GRM8: variants seen among roughly 807,000 people sequenced by gnomAD.
GRM8 encodes glutamate metabotropic receptor 8.
A neutral mutation model predicts 87.2 loss-of-function variants in GRM8; 47 were observed. The observed-to-expected ratio is 0.54, with a 90% CI of 0.43 to 0.69. The LOEUF (loss-of-function observed/expected upper bound fraction) is 0.69. Among genes scored for constraint, GRM8 ranks in the 30% least tolerant of loss-of-function variants. The pLI, the probability that GRM8 is intolerant of heterozygous loss-of-function variation, is 0.00. For synonymous variants in GRM8, 396 were observed against 404.5 expected (o/e 0.98, Z 0.25); for missense variants, 1,019 against 1,139.2 (o/e 0.89, Z 1.52).
intron 3 of GRM8, among the ~76,000 whole-genome samples, chr7:127,088,957 C>G (rs1336029205): frequency 6.6e-6 from 1 of 152,208 alleles, no homozygotes; most frequent in Admixed American, 6.5e-5. Flanking sequence ...TCTGCGGACA[C>G]AATTGGAAGC....
At chr7:126,460,534 C>T (rs552245496) in intron 9 of GRM8, among the ~76,000 whole-genome samples, 2 of 151,646 alleles carry the variant, frequency 1.3e-5, no homozygotes, top group Middle Eastern at 3.4e-3. Context: ...AACTCTAGAC[C>T]ACAGACAAAA....
intron 3 of GRM8, among the ~76,000 whole-genome samples, chr7:126,944,315 C>T (rs1586550747): frequency 7.9e-6 from 1 of 126,102 alleles, no homozygotes; most frequent in Admixed American, 8.1e-5. Context: ...TGAGGTGGAC[C>T]TGGGCTGCAT....
intron 3 of GRM8, among the ~76,000 whole-genome samples, chr7:126,994,847 C>A (rs934975555): frequency 2.0e-5 from 3 of 152,088 alleles, no homozygotes; most frequent in African/African-American, 4.8e-5. Context: ...ATGACAAAAT[C>A]TGTGGCTTCC....
intron 9 of GRM8, among the ~76,000 whole-genome samples, chr7:126,471,851 T>A (rs901771237): frequency 2.4e-4 from 36 of 152,278 alleles, no homozygotes; most frequent in African/African-American, 7.2e-4. Flanking sequence ...TTTGTTTGTA[T>A]CCTCTTTTAT....
intron 3 of GRM8, among the ~76,000 whole-genome samples, chr7:127,049,906 AAAG>A (rs1032641691): frequency 6.6e-6 from 1 of 152,132 alleles, no homozygotes; most frequent in African/African-American, 2.4e-5. Flanking sequence ...GCCTTAGGAG[AAAG>A]AAGAAGTGGG....
chr7:126,977,035 T>C (rs1811064628), intron 3 of GRM8, among the ~76,000 whole-genome samples: 1 of 152,184 alleles, frequency 6.6e-6, no homozygotes, highest in South Asian at 2.1e-4. Flanking sequence ...ACTGACTTAT[T>C]AGCATACACC....
chr7:126,452,883 T>G (rs1350947689), intron 9 of GRM8, among the ~76,000 whole-genome samples: 1 of 151,748 alleles, frequency 6.6e-6, no homozygotes, highest in Admixed American at 6.6e-5. Flanking sequence ...AAGGATTTAG[T>G]GAGACAACAT....
chr7:127,115,684 T>G (rs1469807171), intron 2 of GRM8, among the ~76,000 whole-genome samples: 1 of 152,226 alleles, frequency 6.6e-6, no homozygotes, highest in Non-Finnish European at 1.5e-5. Context: ...TAATTACATT[T>G]TACAATAAGA....
chr7:126,441,334 C>A (rs901438540), intron 10 of GRM8, among the ~76,000 whole-genome samples: 1 of 151,994 alleles, frequency 6.6e-6, no homozygotes, highest in Non-Finnish European at 1.5e-5. Context: ...TGTTCTGTTG[C>A]CAACATACTG....
At chr7:126,879,999 CA>C (rs1799882461) in intron 6 of GRM8, among the ~76,000 whole-genome samples, 1 of 152,164 alleles carries the variant, frequency 6.6e-6, no homozygotes, top group Non-Finnish European at 1.5e-5. Context: ...TGCCTTAAGA[CA>C]ACCTTTCTAG....
chr7:127,108,846 T>C lies in GRM8; in HGVS notation c.511-2134A>G, dbSNP rs765592453. 4.6e-5 allele frequency among the ~76,000 whole-genome samples: 7 copies of C among 152,334 alleles called. No homozygotes were observed. The South Asian group carries it at 1.2e-3, about 27-fold the overall frequency. On this transcript the variant is annotated intron_variant, in intron 2 of 10. Coordinates refer to ENST00000339582, the MANE Select transcript of GRM8 (RefSeq NM_000845.3). ...CCAAAGTCTTGAAGAGTTTTCTCTT[T>C]GCAGATCAATGTGTGGGAAAGCAAT...
chr7:126,586,337 G>C (rs1796121700), intron 8 of GRM8, among the ~76,000 whole-genome samples: 1 of 152,038 alleles, frequency 6.6e-6, no homozygotes, highest in Non-Finnish European at 1.5e-5. Context: ...ATACTTTAAA[G>C]TTCATATGAA....
intron 8 of GRM8, among the ~76,000 whole-genome samples, chr7:126,553,712 T>C (rs919340990): frequency 6.6e-6 from 1 of 152,196 alleles, no homozygotes; most frequent in African/African-American, 2.4e-5. Context: ...GCTAACCTAA[T>C]ACCCAATTGT....
At chr7:127,013,608 A>G (rs974196902) in intron 3 of GRM8, among the ~76,000 whole-genome samples, 13 of 152,126 alleles carry the variant, frequency 8.5e-5, no homozygotes, top group African/African-American at 3.1e-4. Flanking sequence ...TTTGTGGTAT[A>G]AGTAATCTTA....
chr7:126,678,065 T>A (rs1432421154), intron 7 of GRM8, among the ~76,000 whole-genome samples: 1 of 152,188 alleles, frequency 6.6e-6, no homozygotes, highest in East Asian at 1.9e-4. Flanking sequence ...TGCAGATCAA[T>A]TAAGCTTTAA....
At chr7:126,654,364 G>A (rs1804267418) in intron 7 of GRM8, among the ~76,000 whole-genome samples, 1 of 152,104 alleles carries the variant, frequency 6.6e-6, no homozygotes, top group Non-Finnish European at 1.5e-5. Flanking sequence ...TCAAATTGAA[G>A]AAAAATGTGA....
intron 9 of GRM8, among the ~76,000 whole-genome samples, chr7:126,455,868 GC>G (rs1174600570): frequency 2.0e-5 from 3 of 151,372 alleles, no homozygotes; most frequent in African/African-American, 4.8e-5. Context: ...CCAAGAATTA[GC>G]AAATACTTAA....
chr7:127,093,666 C>A (rs1220501457), intron 3 of GRM8, among the ~76,000 whole-genome samples: 19 of 152,314 alleles, frequency 1.2e-4, no homozygotes, highest in Admixed American at 5.9e-4. Flanking sequence ...ATGTTTAAAT[C>A]ATTACTTGAA....
chr7:127,027,016 G>T (rs535677373), intron 3 of GRM8, among the ~76,000 whole-genome samples: 2 of 152,242 alleles, frequency 1.3e-5, no homozygotes, highest in East Asian at 1.9e-4. Context: ...TTTGTATAAG[G>T]TATAAGGAAG....
Sources: gnomAD v4.1 joint callset for allele counts (sites outside exome capture counted in the v4.1 genomes callset) on GRCh38, gnomAD v4.1.1 for gene constraint, MANE v1.5 for transcripts, NCBI Gene and HGNC (gene_info 2026-07-23, HGNC 2026-07-21) for gene names.